SEMA5A: variants seen among roughly 807,000 people sequenced by gnomAD.
The protein encoded by SEMA5A is semaphorin 5A.
Under a neutral mutation model 135.5 loss-of-function variants are expected in SEMA5A, and 55 were observed. The ratio of observed to expected loss-of-function variants is 0.41; its 90% confidence interval spans 0.33 to 0.51. The LOEUF is 0.51. SEMA5A is among the 20% of genes least tolerant of loss of function. The probability of loss-of-function intolerance (pLI) is 0.37; values close to 1 mark genes in which losing one functional copy is unlikely to be tolerated. For synonymous variants in SEMA5A, 580 were observed against 546.5 expected (o/e 1.06, Z -0.85); for missense variants, 1,290 against 1,419.9 (o/e 0.91, Z 1.47).
At chr5:9,299,174 G>A (rs1282388828) in intron 5 of SEMA5A, among the ~76,000 whole-genome samples, 1 of 152,156 alleles carries the variant, frequency 6.6e-6, no homozygotes, top group African/African-American at 2.4e-5. Context: ...TCTTAGAGCT[G>A]AAAGGGCCCT....
intron 1 of SEMA5A, among the ~76,000 whole-genome samples, chr5:9,542,735 A>T (rs1166049017): frequency 6.6e-6 from 1 of 152,200 alleles, no homozygotes; most frequent in African/African-American, 2.4e-5. Flanking sequence ...TGCTGTACTC[A>T]AATAGTTGTA....
intron 1 of SEMA5A, chr5:9,519,961 G>T (rs942946744): frequency 1.2e-4 from 18 of 152,188 alleles, no homozygotes; most frequent in Admixed American, 9.2e-4. Context: ...ATAACCAAAA[G>T]TTTAGACCTG....
At chr5:9,262,992 C>T (rs1271538847) in intron 5 of SEMA5A, among the ~76,000 whole-genome samples, 1 of 144,778 alleles carries the variant, frequency 6.9e-6, no homozygotes. Context: ...TAAATAAATG[C>T]CTAAGGAATT....
At chr5:9,081,440 G>A (rs1478497150) in intron 16 of SEMA5A, among the ~76,000 whole-genome samples, 2 of 152,024 alleles carry the variant, frequency 1.3e-5, no homozygotes, top group African/African-American at 4.8e-5. Context: ...ACATATGTGT[G>A]TATATATCTA....
chr5:9,336,292 G>A (rs765660175), intron 4 of SEMA5A, among the ~76,000 whole-genome samples: 1 of 152,150 alleles, frequency 6.6e-6, no homozygotes, highest in Non-Finnish European at 1.5e-5. Context: ...AAGGGAAGTG[G>A]GAATGCAGGG....
In SEMA5A at chr5:9,138,899, C is replaced by A. The variant is rs183413399; in HGVS notation, c.1482-2278G>T. ...GAGTTACTTCACTTAGAATAATAGT[C>A]TCCAATCTCATCCAGGTTACTGTTA... is the stretch of plus-strand genomic sequence containing the variant. On this transcript the variant is annotated intron_variant, in intron 12 of 22. Coordinates refer to ENST00000382496, the MANE Select transcript of SEMA5A (RefSeq NM_003966.3). 2.0e-5 allele frequency among the ~76,000 whole-genome samples: 3 copies of A among 152,344 alleles called. No individual in the cohort carries two copies. In the East Asian group the frequency reaches 5.8e-4, roughly 29 times the overall value.
At chr5:9,086,029 G>T (rs541706702) in intron 16 of SEMA5A, among the ~76,000 whole-genome samples, 2 of 152,200 alleles carry the variant, frequency 1.3e-5, no homozygotes, top group Non-Finnish European at 2.9e-5. Context: ...CATAGGGCCT[G>T]TTGCCCCTTT....
chr5:9,486,318 A>G (rs1734722875), intron 1 of SEMA5A, among the ~76,000 whole-genome samples: 1 of 152,164 alleles, frequency 6.6e-6, no homozygotes, highest in African/African-American at 2.4e-5. Flanking sequence ...AGAAATAGCT[A>G]ATGCATGTGG....
intron 5 of SEMA5A, among the ~76,000 whole-genome samples, chr5:9,308,739 C>T (rs1477836887): frequency 6.6e-6 from 1 of 152,116 alleles, no homozygotes; most frequent in Non-Finnish European, 1.5e-5. Flanking sequence ...CAAATCCTAG[C>T]TCTACCACCT....
At chr5:9,448,333 A>G (rs1213074729) in intron 1 of SEMA5A, among the ~76,000 whole-genome samples, 1 of 152,236 alleles carries the variant, frequency 6.6e-6, no homozygotes, top group African/African-American at 2.4e-5. Flanking sequence ...TGGGAAGGAA[A>G]CAAGACCAGC....
chr5:9,196,839 A>T (rs978691986), intron 10 of SEMA5A, among the ~76,000 whole-genome samples: 3 of 152,126 alleles, frequency 2.0e-5, no homozygotes, highest in African/African-American at 7.2e-5. Flanking sequence ...TTCATTAGGG[A>T]TCAGAGATTC....
chr5:9,350,455 T>C (rs937311063), intron 3 of SEMA5A, among the ~76,000 whole-genome samples: 1 of 152,228 alleles, frequency 6.6e-6, no homozygotes, highest in Admixed American at 6.5e-5. Context: ...TTCTGCCTGA[T>C]AGGAGTGTCT....
chr5:9,147,350 G>A (rs1209535523), intron 12 of SEMA5A, among the ~76,000 whole-genome samples: 4 of 151,848 alleles, frequency 2.6e-5, no homozygotes, highest in South Asian at 4.2e-4. Context: ...GGAGTGTACT[G>A]CAACCTCCGC....
intron 16 of SEMA5A, among the ~76,000 whole-genome samples, chr5:9,092,622 A>C (rs1037556315): frequency 2.6e-5 from 4 of 152,268 alleles, no homozygotes; most frequent in Non-Finnish European, 5.9e-5. Flanking sequence ...AGGAAATGAG[A>C]TGTTCATAAG....
intron 5 of SEMA5A, among the ~76,000 whole-genome samples, chr5:9,279,964 C>T (rs896322947): frequency 7.2e-5 from 11 of 152,278 alleles, no homozygotes; most frequent in Admixed American, 7.2e-4. Flanking sequence ...TTGCATATGA[C>T]CATTTTGTCA....
At chr5:9,157,137 C>T (rs1742998168) in intron 11 of SEMA5A, among the ~76,000 whole-genome samples, 1 of 151,992 alleles carries the variant, frequency 6.6e-6, no homozygotes, top group African/African-American at 2.4e-5. Flanking sequence ...CGAGTCCCCT[C>T]CACAGTTCCC....
intron 9 of SEMA5A, among the ~76,000 whole-genome samples, chr5:9,200,104 G>C (rs1235101636): frequency 6.6e-6 from 1 of 152,178 alleles, no homozygotes; most frequent in East Asian, 1.9e-4. Flanking sequence ...AAAATATTGT[G>C]AAATTTGAGT....
chr5:9,332,326 G>A (rs7715423), intron 4 of SEMA5A, among the ~76,000 whole-genome samples: 5 of 151,760 alleles, frequency 3.3e-5, no homozygotes, highest in African/African-American at 7.3e-5. Flanking sequence ...GGTGTGCAAC[G>A]TGTGCAGTTG....
At chr5:9,154,062 A>AATATATAT (rs1553993746) in intron 12 of SEMA5A, among the ~76,000 whole-genome samples, 2 of 68,288 alleles carry the variant, frequency 2.9e-5, no homozygotes, top group Admixed American at 1.7e-4. Flanking sequence ...AAAAAAAAAA[A>AATATATAT]ATATATATAT....
Sources: allele counts gnomAD v4.1 joint callset (sites outside exome capture counted in the v4.1 genomes callset), GRCh38; gene constraint gnomAD v4.1.1; transcripts MANE v1.5; gene names NCBI Gene and HGNC (gene_info 2026-07-23, HGNC 2026-07-21).